Variants in PPP4R3B observed in about 807,000 individuals in gnomAD.
PPP4R3B encodes the protein protein phosphatase 4 regulatory subunit 3B, also known as serine/threonine-protein phosphatase 4 regulatory subunit 3B.
In PPP4R3B, 52 loss-of-function variants were observed where a neutral mutation model predicts 95.4. The observed-to-expected ratio is 0.54, with a 90% CI of 0.44 to 0.69. The LOEUF is 0.69. Ranked by LOEUF, PPP4R3B falls within the 30% of genes least tolerant of loss-of-function variation. The pLI is 0.00. For synonymous variants in PPP4R3B, 407 were observed against 343.9 expected, an observed-to-expected ratio of 1.18 and a Z score of -2.03; for missense variants, 1,003 against 1,005.9, an observed-to-expected ratio of 1.00 and a Z score of 0.04.
chr2:55,611,008 GGT>G (rs1416982338), intron 2 of PPP4R3B, among the ~76,000 whole-genome samples: 4 of 151,930 alleles, frequency 2.6e-5, no homozygotes, highest in African/African-American at 7.3e-5. Context: ...TGGGACTACA[GGT>G]GTGTGTCACC....
At chr2:55,563,593 G>T (rs953949880) in intron 15 of PPP4R3B, among the ~76,000 whole-genome samples, 2 of 152,018 alleles carry the variant, frequency 1.3e-5, no homozygotes, top group East Asian at 3.9e-4. Flanking sequence ...AGGGTGGTTT[G>T]GAACTCCTGG....
chr2:55,581,490 T>G, intron 8 of PPP4R3B, 77 bp downstream of exon 8: 1 of 1,433,696 alleles, frequency 7.0e-7, no homozygotes, highest in Non-Finnish European at 9.4e-7. Context: ...TTAAAATACT[T>G]GTTTCTCAAA....
Position 55,585,110 on chromosome 2 carries a change from C to G in PPP4R3B, c.1174G>C (p.Glu392Gln). The change falls in exon 7 of 17, where the codon GAA (glutamate) becomes CAA (glutamine). Residue 392 changes from glutamate to glutamine, a missense_variant. Physicochemically the swap from Glu to Gln is conservative, Grantham distance 29. Transcript: ENST00000616407. Reference protein sequence around the residue: ...AATDIFSYLVEFSPSMVREFV... With the variant: ...AATDIFSYLVQFSPSMVREFV... ...TCTCGGACCATAGATGGACTAAATT[C>G]TACTAGATAAGAAAATATATCTGTA... is the stretch of plus-strand genomic sequence containing the variant. The G allele has an allele frequency of 1.2e-6, 2 of 1,611,728 alleles. No individual in the cohort carries two copies. Among genetic ancestry groups the G allele is most frequent in the Non-Finnish European group, 1.7e-6 (2 of 1,179,050 alleles).
At chr2:55,582,624 C>A (rs115040029) in intron 7 of PPP4R3B, among the ~76,000 whole-genome samples, 1 of 152,084 alleles carries the variant, frequency 6.6e-6, no homozygotes, top group Non-Finnish European at 1.5e-5. Flanking sequence ...GTAATCGTGA[C>A]AAAATTACAT....
intron 11 of PPP4R3B, among the ~76,000 whole-genome samples, chr2:55,574,968 C>A (rs1688471559): frequency 7.6e-6 from 1 of 131,042 alleles, no homozygotes. Context: ...GACGGAGTCT[C>A]ACTCTGTAGC....
chr2:55,561,139 C>T (rs1389786539), intron 15 of PPP4R3B, among the ~76,000 whole-genome samples: 2 of 152,198 alleles, frequency 1.3e-5, no homozygotes, highest in Admixed American at 6.5e-5. Flanking sequence ...CCAGCCATGG[C>T]GAAAAGGAGC....
intron 4 of PPP4R3B, among the ~76,000 whole-genome samples, chr2:55,592,530 T>C (rs79094921): frequency 1.3e-5 from 2 of 152,142 alleles, no homozygotes. Context: ...AACAGTTTTT[T>C]AAAGAGTATC....
At chr2:55,613,270 T>C (rs1694435485) in intron 2 of PPP4R3B, among the ~76,000 whole-genome samples, 1 of 151,928 alleles carries the variant, frequency 6.6e-6, no homozygotes, top group Admixed American at 6.6e-5. Flanking sequence ...GTAACATCAT[T>C]CACACAAGTT....
rs79969994 is a variant in PPP4R3B at position 55,601,244 on chromosome 2, A to G, written c.298-2205T>C. Among the ~76,000 whole-genome samples the G allele has an allele frequency of 7.5e-3, 1,146 of 152,106 alleles. 21 individuals carry two copies. The highest frequency in any genetic ancestry group is 0.026 in the African/African-American group (1,088 of 41,510). On this transcript the variant is annotated intron_variant, in intron 3 of 16. Coordinates refer to ENST00000616407, the MANE Select transcript of PPP4R3B (RefSeq NM_001122964.3). ...TTATAACAGATGCCTGGAAGGGTTA[A>G]GCAATAGGTTTGCCAAGACCACCCC... is the stretch of plus-strand genomic sequence containing the variant.
chr2:55,563,029 G>A (rs1023187022), intron 15 of PPP4R3B, among the ~76,000 whole-genome samples: 3 of 152,064 alleles, frequency 2.0e-5, no homozygotes, highest in African/African-American at 4.8e-5. Context: ...TTTTATATAT[G>A]ATTCTTAACA....
chr2:55,584,923 A>G (rs1371480833), intron 7 of PPP4R3B, 128 bp downstream of exon 7: 2 of 770,080 alleles, frequency 2.6e-6, no homozygotes, highest in Admixed American at 5.8e-5. Flanking sequence ...CAAAGTCACA[A>G]CAAGTCAGAA....
intron 15 of PPP4R3B, among the ~76,000 whole-genome samples, chr2:55,563,467 G>A (rs1207124616): frequency 6.6e-6 from 1 of 152,050 alleles, no homozygotes; most frequent in Non-Finnish European, 1.5e-5. Context: ...CGACCTCCTG[G>A]GCTCAAGTGA....
In PPP4R3B at chr2:55,598,320, A is replaced by G. The variant is rs1692079518; in HGVS notation, c.921+96T>C. On this transcript the variant is annotated intron_variant, in intron 4 of 16. Transcript: ENST00000616407. Reference sequence around the variant, plus strand: ...TTAATAGTACATTTAAACAAAATAAATCTTTCAAAAAATAGAGGGTATAAA... The same window carrying G: ...TTAATAGTACATTTAAACAAAATAAGTCTTTCAAAAAATAGAGGGTATAAA... The G allele has an allele frequency of 3.2e-6, 4 of 1,256,750 alleles. No individual in the cohort carries two copies. In the African/African-American group the frequency reaches 4.6e-5, roughly 14 times the overall value. The allele number at this position is 1,256,750 out of a possible 1,614,324, so 77.8% of individuals were successfully genotyped here. A position where few individuals can be genotyped will look rare whatever the true frequency, so the allele number is the denominator to read the frequency against.
intron 14 of PPP4R3B, 65 bp downstream of exon 14, chr2:55,564,837 T>C: frequency 6.4e-7 from 1 of 1,562,870 alleles, no homozygotes; most frequent in Non-Finnish European, 8.7e-7. Context: ...ACATGGAAAA[T>C]CTGAACTACA....
intron 3 of PPP4R3B, among the ~76,000 whole-genome samples, chr2:55,603,459 T>C (rs1692933037): frequency 6.6e-6 from 1 of 152,216 alleles, no homozygotes; most frequent in Admixed American, 6.5e-5. Context: ...ATTATAGTTA[T>C]ATTTTCTGTA....
At chr2:55,581,449 A>G in intron 8 of PPP4R3B, 118 bp downstream of exon 8, 1 of 1,034,140 alleles carries the variant, frequency 9.7e-7, no homozygotes. Flanking sequence ...TAAGAATACC[A>G]CTGCTACTTA....
At chr2:55,564,521 T>A (rs779534034) in intron 14 of PPP4R3B, 24 bp from the exon 15 acceptor site, 1 of 1,552,768 alleles carries the variant, frequency 6.4e-7, no homozygotes, top group Non-Finnish European at 8.7e-7. Flanking sequence ...ATCACAAATA[T>A]TGAGTAATGA....
intron 12 of PPP4R3B, among the ~76,000 whole-genome samples, chr2:55,569,704 A>G (rs998139059): frequency 1.6e-4 from 24 of 152,158 alleles, no homozygotes; most frequent in African/African-American, 5.5e-4. Context: ...TTTGTCTTGT[A>G]TCCAATAAAC....
chr2:55,588,854 TAAGA>T, intron 5 of PPP4R3B, 21 bp downstream of exon 5: 1 of 1,529,870 alleles, frequency 6.5e-7, no homozygotes, highest in Non-Finnish European at 9.0e-7. Context: ...AAGTGCTCTT[TAAGA>T]GTTTGAATTT....
Sources: allele counts gnomAD v4.1 joint callset (sites outside exome capture counted in the v4.1 genomes callset), GRCh38; gene constraint gnomAD v4.1.1; transcripts MANE v1.5; gene names NCBI Gene and HGNC (gene_info 2026-07-23, HGNC 2026-07-21).